The following KCNJ6 variants were observed in gnomAD, a reference collection of about 807,000 sequenced individuals.
KCNJ6 encodes G protein-activated inward rectifier potassium channel 2.
KCNJ6 carries 9 observed loss-of-function variants against 34.2 expected under a neutral mutation model. That is an observed-to-expected ratio of 0.26 (90% CI 0.16 to 0.46). KCNJ6 has a LOEUF of 0.46. Among genes scored for constraint, KCNJ6 ranks in the 20% least tolerant of loss-of-function variants. The pLI is 1.00. For synonymous variants in KCNJ6, 196 were observed against 207.1 expected (o/e 0.95, Z 0.46); for missense variants, 236 against 531.3 (o/e 0.44, Z 5.46).
In KCNJ6 at chr21:37,857,763, G is replaced by GA. The variant is rs560025089; in HGVS notation, c.-27-17055dup. On this transcript the variant is annotated intron_variant, in intron 1 of 3. Coordinates refer to ENST00000609713, the MANE Select transcript of KCNJ6 (RefSeq NM_002240.5). Reference sequence around the variant, plus strand: ...AGTGGATCTATCCAAAATATTACAGGAAAAAAAAGACAAGCTGGAAGCTGA... The same window carrying GA: ...AGTGGATCTATCCAAAATATTACAGGAAAAAAAAAGACAAGCTGGAAGCTGA... Among the ~76,000 whole-genome samples, 34 of 151,554 alleles carry GA rather than the reference G, an allele frequency of 2.2e-4. No individual in the cohort carries two copies. The South Asian group carries it at 6.9e-3, about 31-fold the overall frequency.
intron 2 of KCNJ6, among the ~76,000 whole-genome samples, chr21:37,776,976 C>T (rs2123508332): frequency 6.6e-6 from 1 of 152,254 alleles, no homozygotes; most frequent in South Asian, 2.1e-4. Context: ...TCCGTCTGGT[C>T]CTGGACTTTT....
intron 2 of KCNJ6, among the ~76,000 whole-genome samples, chr21:37,795,899 T>A (rs577270980): frequency 6.6e-6 from 1 of 152,142 alleles, no homozygotes; most frequent in African/African-American, 2.4e-5. Flanking sequence ...GAAACAGGCA[T>A]GAGAGGTTAA....
intron 1 of KCNJ6, among the ~76,000 whole-genome samples, chr21:37,900,542 C>T (rs896077202): frequency 6.6e-6 from 1 of 152,136 alleles, no homozygotes; most frequent in Non-Finnish European, 1.5e-5. Context: ...GAAGGTAACG[C>T]ATACTATGGA....
chr21:37,688,935 A>G (rs1238130511), intron 3 of KCNJ6, among the ~76,000 whole-genome samples: 3 of 152,234 alleles, frequency 2.0e-5, no homozygotes, highest in Non-Finnish European at 4.4e-5. Flanking sequence ...TTTCATGAAT[A>G]TAATTCTATT....
intron 2 of KCNJ6, among the ~76,000 whole-genome samples, chr21:37,728,026 A>G (rs1484286000): frequency 6.6e-6 from 1 of 152,222 alleles, no homozygotes; most frequent in Non-Finnish European, 1.5e-5. Flanking sequence ...AGCGTTATTC[A>G]CAGTGGCCAA....
At chr21:37,737,891 A>G (rs1175927878) in intron 2 of KCNJ6, among the ~76,000 whole-genome samples, 1 of 152,192 alleles carries the variant, frequency 6.6e-6, no homozygotes, top group Non-Finnish European at 1.5e-5. Flanking sequence ...ACTTGGAAGG[A>G]GATAGAAGGA....
In KCNJ6 at chr21:37,607,492, T is replaced by TTTTTA. The variant is rs1172193437; in HGVS notation, c.*17666_*17667insTAAAA. 4.1e-5 allele frequency: 4 copies of TTTTTA among 98,682 alleles called. No individual in the cohort carries two copies. Among genetic ancestry groups the TTTTTA allele is most frequent in the African/African-American group, 7.7e-5 (2 of 26,052 alleles). 6.1% of individuals were successfully genotyped at this position (98,682 alleles called of 1,614,324 possible). Reference sequence around the variant, plus strand: ...TATATATATATATATATTTTTTTTTTATTTTAAAAAAATTTGGCATTGTAG... The same window carrying TTTTTA: ...TATATATATATATATATTTTTTTTTTTTTTAATTTTAAAAAAATTTGGCATTGTAG... On this transcript the variant is annotated 3_prime_UTR_variant, in exon 4 of 4. Coordinates refer to ENST00000609713, the MANE Select transcript of KCNJ6 (RefSeq NM_002240.5).
intron 1 of KCNJ6, among the ~76,000 whole-genome samples, chr21:37,849,475 T>TC: frequency 6.6e-6 from 1 of 152,260 alleles, no homozygotes; most frequent in African/African-American, 2.4e-5. Context: ...TTCCTTTCTT[T>TC]CCCCTTTACT....
intron 1 of KCNJ6, among the ~76,000 whole-genome samples, chr21:37,868,736 C>G (rs2055635496): frequency 6.6e-6 from 1 of 152,160 alleles, no homozygotes; most frequent in South Asian, 2.1e-4. Flanking sequence ...AGCTCAAGAC[C>G]TGTGCAATAT....
At chr21:37,817,668 C>G (rs1369071250) in intron 2 of KCNJ6, among the ~76,000 whole-genome samples, 1 of 152,204 alleles carries the variant, frequency 6.6e-6, no homozygotes, top group Non-Finnish European at 1.5e-5. Flanking sequence ...CAGCTGACAA[C>G]AGCACCCTCA....
At chr21:37,778,351 C>G (rs1468446238) in intron 2 of KCNJ6, among the ~76,000 whole-genome samples, 1 of 152,174 alleles carries the variant, frequency 6.6e-6, no homozygotes, top group Non-Finnish European at 1.5e-5. Flanking sequence ...GTAAAACTAG[C>G]TCTCCAAACA....
intron 3 of KCNJ6, among the ~76,000 whole-genome samples, chr21:37,688,558 G>A (rs1460751384): frequency 2.6e-5 from 4 of 152,126 alleles, no homozygotes; most frequent in Non-Finnish European, 5.9e-5. Flanking sequence ...ATGAGTGAAA[G>A]GGCTCTGGAC....
At chr21:37,696,655 G>T (rs897515207) in intron 3 of KCNJ6, among the ~76,000 whole-genome samples, 1 of 152,156 alleles carries the variant, frequency 6.6e-6, no homozygotes, top group Non-Finnish European at 1.5e-5. Flanking sequence ...AATCAAGTCT[G>T]CAGATGCTAC....
chr21:37,689,198 AC>A (rs1450128421), intron 3 of KCNJ6, among the ~76,000 whole-genome samples: 1 of 152,184 alleles, frequency 6.6e-6, no homozygotes, highest in Non-Finnish European at 1.5e-5. Context: ...AAAAGCAGTC[AC>A]TTTCTGGTGG....
Position 37,723,830 on chromosome 21 carries a change from A to G in KCNJ6, c.26-8699T>C, listed in dbSNP as rs2123460918. On this transcript the variant is annotated intron_variant, in intron 2 of 3. Coordinates refer to ENST00000609713, the MANE Select transcript of KCNJ6 (RefSeq NM_002240.5). ...GTACTACGTTCACTAAATGTGTGAC[A>G]GAATGCTGTACTCCAAACCTCAGCA... is the stretch of plus-strand genomic sequence containing the variant. Among the ~76,000 whole-genome samples the G allele has an allele frequency of 1.3e-5, 2 of 152,314 alleles. 1 individual carries two copies. Among genetic ancestry groups the G allele is most frequent in the South Asian group, 4.1e-4 (2 of 4,828 alleles).
At chr21:37,637,304 T>C (rs1407091526) in intron 3 of KCNJ6, among the ~76,000 whole-genome samples, 1 of 152,190 alleles carries the variant, frequency 6.6e-6, no homozygotes, top group Non-Finnish European at 1.5e-5. Flanking sequence ...TAAAAATCCC[T>C]TCAATGAACA....
intron 2 of KCNJ6, among the ~76,000 whole-genome samples, chr21:37,756,724 A>AGTGTGAT (rs1307606348): frequency 6.6e-5 from 8 of 120,700 alleles, no homozygotes; most frequent in African/African-American, 1.4e-4. Flanking sequence ...ACTCCCTCAC[A>AGTGTGAT]GATTCAAGCC....
chr21:37,745,788 C>G (rs995325733), intron 2 of KCNJ6, among the ~76,000 whole-genome samples: 17 of 152,178 alleles, frequency 1.1e-4, no homozygotes, highest in African/African-American at 3.4e-4. Flanking sequence ...GCAGCCCCTG[C>G]CCTCAAGTCT....
intron 3 of KCNJ6, among the ~76,000 whole-genome samples, chr21:37,655,744 TCCCA>T (rs202207720): frequency 0.012 from 1,785 of 152,282 alleles, 32 homozygotes; most frequent in African/African-American, 0.04. Context: ...TCAGCATGAC[TCCCA>T]TGCATGGGGA....
Sources: gnomAD v4.1 joint callset for allele counts (sites outside exome capture counted in the v4.1 genomes callset) on GRCh38, gnomAD v4.1.1 for gene constraint, MANE v1.5 for transcripts, NCBI Gene and HGNC (gene_info 2026-07-23, HGNC 2026-07-21) for gene names.